Variants in COL13A1 observed in about 807,000 individuals in gnomAD.
The protein encoded by COL13A1 is collagen alpha-1(XIII) chain.
In COL13A1, 89 loss-of-function variants were observed where a neutral mutation model predicts 130.9. The observed-to-expected ratio is 0.68, with a 90% CI of 0.57 to 0.81. COL13A1 has a LOEUF of 0.81. COL13A1 is among the 30% of genes least tolerant of loss of function. The pLI is 0.00. For synonymous variants in COL13A1, 402 were observed against 341.6 expected, an observed-to-expected ratio of 1.18 and a Z score of -1.95; for missense variants, 879 against 934.6, an observed-to-expected ratio of 0.94 and a Z score of 0.78.
intron 17 of COL13A1, among the ~76,000 whole-genome samples, chr10:69,912,859 A>G (rs533811677): frequency 1.3e-5 from 2 of 152,270 alleles, no homozygotes; most frequent in South Asian, 4.1e-4. Flanking sequence ...CTCCCACAGG[A>G]GCAGAGCTTG....
rs367632469 is a variant in COL13A1, at chr10:69,836,349, G to A, written c.364+13911G>A. Among the ~76,000 whole-genome samples, 9 of 152,352 alleles carry A rather than the reference G, an allele frequency of 5.9e-5. No individual in the cohort carries two copies. The East Asian group carries it at 1.7e-3, about 29-fold the overall frequency. ...CCCCAATCAAGGCGGGGCCAAGGCA[G>A]GGACACAGGTCTAGAACCACACTGT... On this transcript the variant is annotated intron_variant, in intron 2 of 40. Transcript: ENST00000645393.
chr10:69,829,189 C>A, intron 2 of COL13A1: 2 of 978,956 alleles, frequency 2.0e-6, no homozygotes, highest in Non-Finnish European at 2.4e-6. Flanking sequence ...TCATTCATCC[C>A]ACTCTGTCAA....
At chr10:69,823,594 A>T (rs1466212366) in intron 2 of COL13A1, among the ~76,000 whole-genome samples, 2 of 152,212 alleles carry the variant, frequency 1.3e-5, no homozygotes, top group Non-Finnish European at 2.9e-5. Context: ...TCCCCAAGCC[A>T]GGGAAGAGAG....
intron 26 of COL13A1, among the ~76,000 whole-genome samples, chr10:69,926,311 C>A (rs2065349633): frequency 6.6e-6 from 1 of 152,220 alleles, no homozygotes; most frequent in Non-Finnish European, 1.5e-5. Context: ...AGCTCCCGCT[C>A]CCCACCCTTT....
chr10:69,873,110 A>T (rs2059238672), intron 4 of COL13A1, among the ~76,000 whole-genome samples: 1 of 152,150 alleles, frequency 6.6e-6, no homozygotes, highest in African/African-American at 2.4e-5. Flanking sequence ...GGGGGCCGGA[A>T]TCGGGTATGG....
intron 13 of COL13A1, 109 bp downstream of exon 13, chr10:69,895,685 G>A (rs572024120): frequency 7.9e-6 from 10 of 1,259,244 alleles, no homozygotes; most frequent in South Asian, 2.5e-5. Context: ...GATCATGGGG[G>A]AGCAGGAGCA....
chr10:69,930,095 C>G lies in COL13A1; in HGVS notation c.1530+8C>G. 3.1e-6 allele frequency: 5 copies of G among 1,613,636 alleles called. No individual in the cohort carries two copies. The highest frequency in any genetic ancestry group is 4.2e-6 in the Non-Finnish European group (5 of 1,179,664). ...GGACACGATGGGGAAAAGGTATGAA[C>G]AGACGTCCTCTGGTCAAACCTCTGA... is the stretch of plus-strand genomic sequence containing the variant. On this transcript the variant is annotated splice_region_variant and intron_variant, in intron 29 of 40. Transcript: ENST00000645393.
rs773225291 is a variant in COL13A1, at chr10:69,957,756, G to A, written c.2184+714G>A. On this transcript the variant is annotated intron_variant, in intron 40 of 40. Transcript: ENST00000645393. ...GCTTGCTAACTAATCCAGAAGACCC[G>A]CCTTGGTCCCCAGCAATGGTGGCAG... 2.4e-4 allele frequency among the ~76,000 whole-genome samples: 37 copies of A among 152,038 alleles called. 1 individual carries two copies. The highest frequency in any genetic ancestry group is 8.0e-4 in the African/African-American group (33 of 41,376).
At chr10:69,805,309 G>A (rs772474651) in intron 1 of COL13A1, among the ~76,000 whole-genome samples, 6 of 152,260 alleles carry the variant, frequency 3.9e-5, no homozygotes, top group Non-Finnish European at 5.9e-5. Context: ...ACAATGAATG[G>A]GGGTAAAAGT....
chr10:69,820,929 A>G (rs1430908123), intron 1 of COL13A1, among the ~76,000 whole-genome samples: 1 of 151,830 alleles, frequency 6.6e-6, no homozygotes, highest in East Asian at 1.9e-4. Flanking sequence ...AAGCTTTCTG[A>G]CCTTCCCTCC....
chr10:69,949,268 C>T lies in COL13A1; in HGVS notation c.2058+1926C>T, dbSNP rs755672451. Among the ~76,000 whole-genome samples the T allele has an allele frequency of 3.3e-5, 5 of 152,146 alleles. No homozygotes were observed. The South Asian group carries it at 6.2e-4, about 19-fold the overall frequency. On this transcript the variant is annotated intron_variant, in intron 38 of 40. Transcript: ENST00000645393. ...CGCGATCTCAGCTCATTGCAAACTC[C>T]GCCTCCCGGGTTCAAGTGATTTCCC...
At chr10:69,911,394 C>T (rs2063367102) in intron 17 of COL13A1, among the ~76,000 whole-genome samples, 1 of 152,238 alleles carries the variant, frequency 6.6e-6, no homozygotes. Context: ...TGTAACAACC[C>T]TGTGAGGTAG....
Position 69,937,708 on chromosome 10 carries a change from G to A in COL13A1, c.1871G>A (p.Gly624Glu), listed in dbSNP as rs765815517. 5 of 1,517,910 alleles carry A rather than the reference G, an allele frequency of 3.3e-6. No individual in the cohort carries two copies. The highest frequency in any genetic ancestry group is 2.3e-5 in the East Asian group (1 of 44,388). The allele number at this position is 1,517,910 out of a possible 1,614,324, so 94.0% of individuals were successfully genotyped here. ...QGEKGDRGPL[G>E]LPGASGLDGR... ...GAAAAAGGAGACCGTGGTCCCCTGG[G>A]ACTACCCGTAAGTACCTTGGACCCA... Residue 624 changes from glycine (G) to glutamate (E), a missense_variant, in exon 34 of 41, where the codon GGA (glycine) becomes GAA (glutamate). Physicochemically the swap from Gly to Glu is moderately conservative, Grantham distance 98. Around this residue, in one of 3 missense-constraint regions of COL13A1, gnomAD observed 96 missense variants for 147.7 expected, o/e 0.65. Transcript: ENST00000645393.
chr10:69,867,314 G>A (rs116413772), intron 2 of COL13A1, among the ~76,000 whole-genome samples: 1 of 152,218 alleles, frequency 6.6e-6, no homozygotes, highest in Non-Finnish European at 1.5e-5. Flanking sequence ...CTCAGGCAGG[G>A]TGCACAGTGG....
intron 2 of COL13A1, among the ~76,000 whole-genome samples, chr10:69,846,844 G>C (rs1564831775): frequency 1.3e-5 from 2 of 152,212 alleles, no homozygotes; most frequent in Non-Finnish European, 2.9e-5. Context: ...GGGGTGTGCA[G>C]ACACGTGGGG....
intron 35 of COL13A1, among the ~76,000 whole-genome samples, chr10:69,942,999 C>T (rs568033691): frequency 5.9e-5 from 9 of 152,248 alleles, no homozygotes; most frequent in Non-Finnish European, 1.0e-4. Context: ...AGGCACCCAC[C>T]ACCATGCCGG....
chr10:69,876,409 C>T (rs1288047651), intron 5 of COL13A1, among the ~76,000 whole-genome samples: 1 of 152,198 alleles, frequency 6.6e-6, no homozygotes, highest in Non-Finnish European at 1.5e-5. Flanking sequence ...GCCCCAGAGG[C>T]CTGGGATATT....
At position 69,957,007 on chromosome 10, in the gene COL13A1, G is replaced by A. The variant is rs1139030; in HGVS notation, c.2149G>A (p.Glu717Lys). 8.1e-6 allele frequency: 13 copies of A among 1,613,646 alleles called. No individual in the cohort carries two copies. The highest frequency in any genetic ancestry group is 7.7e-5 in the South Asian group (7 of 91,074). ...PGLDAPCPLG[E>K]DGLPVQGCWN... Reference sequence around the variant, plus strand: ...CTGCCTTCCTTTCTCCTTGCAGGGCGAAGATGGCTTACCAGTCCAAGGCTG... The same window carrying A: ...CTGCCTTCCTTTCTCCTTGCAGGGCAAAGATGGCTTACCAGTCCAAGGCTG... The change falls in exon 40 of 41, where the codon GAA becomes AAA. Residue 717 changes from glutamate to lysine, a missense_variant. This residue lies in a region of COL13A1 where 68 missense variants were observed against 65.8 expected (regional missense o/e 1.03). Transcript: ENST00000645393.
intron 2 of COL13A1, among the ~76,000 whole-genome samples, chr10:69,841,068 C>A (rs1204815981): frequency 1.3e-5 from 2 of 151,916 alleles, no homozygotes; most frequent in Non-Finnish European, 2.9e-5. Flanking sequence ...TCCCCACTGC[C>A]CCCCTGCCCC....
Sources: gnomAD v4.1 joint callset for allele counts (sites outside exome capture counted in the v4.1 genomes callset) on GRCh38, gnomAD v4.1.1 for gene constraint, gnomAD v4.1.1 regional missense constraint, MANE v1.5 for transcripts, NCBI Gene and HGNC (gene_info 2026-07-23, HGNC 2026-07-21) for gene names.